Variants in GOLGA4 observed in about 807,000 individuals in gnomAD.
GOLGA4 encodes the protein golgin A4, also known as golgin subfamily A member 4.
Under a neutral mutation model 265.9 loss-of-function variants are expected in GOLGA4, and 169 were observed. That is an observed-to-expected ratio of 0.64 (90% CI 0.56 to 0.72). The LOEUF (loss-of-function observed/expected upper bound fraction) is 0.72, where lower values mean the gene tolerates loss of function less well. GOLGA4 is among the 30% of genes least tolerant of loss of function. The probability of loss-of-function intolerance (pLI) is 0.00; values close to 1 mark genes in which losing one functional copy is unlikely to be tolerated. For missense variants in GOLGA4, 2,482 were observed against 2,483.4 expected (o/e 1.00, Z 0.01); for synonymous variants, 923 against 855.8 (o/e 1.08, Z -1.37).
intron 2 of GOLGA4, among the ~76,000 whole-genome samples, chr3:37,263,557 A>G (rs1302579590): frequency 1.3e-5 from 2 of 152,164 alleles, no homozygotes; most frequent in Non-Finnish European, 2.9e-5. Flanking sequence ...TAAGCAGTGC[A>G]AGACTGTATA....
intron 22 of GOLGA4, among the ~76,000 whole-genome samples, chr3:37,356,907 A>G (rs540014159): frequency 1.3e-5 from 2 of 152,262 alleles, no homozygotes; most frequent in African/African-American, 2.4e-5. Context: ...AGGATTTGCT[A>G]TATAGTGTAG....
At chr3:37,286,576 C>A (rs192940889) in intron 4 of GOLGA4, among the ~76,000 whole-genome samples, 53 of 152,220 alleles carry the variant, frequency 3.5e-4, no homozygotes, top group Admixed American at 2.1e-3. Flanking sequence ...AGAGATTTTA[C>A]CTCTGTTAAG....
At position 37,327,585 on chromosome 3, in the gene GOLGA4, T is replaced by G; in HGVS notation, c.5699T>G (p.Leu1900Trp). Reference sequence around the variant, plus strand: ...GGAAGAAATAAACCCACAGAACTTTTGGAAGAAAACACTGAAGAAAAGTCC... The same window carrying G: ...GGAAGAAATAAACCCACAGAACTTTGGGAAGAAAACACTGAAGAAAAGTCC... ...MDGRNKPTEL[L>W]EENTEEKSKS... Residue 1900 changes from leucine (L) to tryptophan (W), a missense_variant, in exon 14 of 24, where the codon TTG becomes TGG. Around this residue, in one of 3 missense-constraint regions of GOLGA4, gnomAD observed 942 missense variants for 983.1 expected, o/e 0.96. Coordinates refer to ENST00000361924, the MANE Select transcript of GOLGA4 (RefSeq NM_002078.5). The G allele has an allele frequency of 6.2e-7, 1 of 1,613,752 alleles. No homozygotes were observed. Among genetic ancestry groups the G allele is most frequent in the Non-Finnish European group, 8.5e-7 (1 of 1,179,834 alleles).
chr3:37,326,370 T>G lies in GOLGA4; in HGVS notation c.4484T>G (p.Phe1495Cys). ...GAGCTTGATCAGCAAAATAAAAGAT[T>G]TGATTGTTTAAAGGGTGAAATGGAA... ...KEELDQQNKR[F>C]DCLKGEMEDD... The change falls in exon 14 of 24, where the codon TTT becomes TGT. Residue 1495 changes from phenylalanine to cysteine, a missense_variant. Coordinates refer to ENST00000361924, the MANE Select transcript of GOLGA4 (RefSeq NM_002078.5). The G allele has an allele frequency of 6.2e-7, 1 of 1,612,828 alleles. No homozygotes were observed. The highest frequency in any genetic ancestry group is 1.1e-5 in the South Asian group (1 of 90,786).
intron 2 of GOLGA4, chr3:37,266,830 T>A (rs774378864): frequency 1.7e-6 from 2 of 1,210,454 alleles, no homozygotes; most frequent in African/African-American, 3.1e-5. Context: ...CTTATTACAC[T>A]GAATGAGACA....
Position 37,243,477 on chromosome 3 carries a change from C to T in GOLGA4, c.-74C>T. ...CCTGGTGTAAAGAAGTCGCCGTAGC[C>T]GTCGCGGCCGGGACTCCCCGGGCTC... On this transcript the variant is annotated 5_prime_UTR_variant, in exon 1 of 24. Transcript: ENST00000361924. 3.1e-6 allele frequency: 4 copies of T among 1,298,838 alleles called. No homozygotes were observed. Among genetic ancestry groups the T allele is most frequent in the Non-Finnish European group, 4.5e-6 (4 of 893,398 alleles). The allele number at this position is 1,298,838 out of a possible 1,614,324, so 80.5% of individuals were successfully genotyped here.
chr3:37,288,784 G>GT (rs941998631), intron 4 of GOLGA4, among the ~76,000 whole-genome samples: 4 of 151,992 alleles, frequency 2.6e-5, no homozygotes, highest in Non-Finnish European at 5.9e-5. Flanking sequence ...GGCTGGTTTT[G>GT]TTTTTTTAAA....
chr3:37,315,339 TTC>T, intron 10 of GOLGA4, 79 bp from the exon 11 acceptor site: 1 of 1,190,554 alleles, frequency 8.4e-7, no homozygotes, highest in Middle Eastern at 2.6e-4. Flanking sequence ...CTGCTCTTAG[TTC>T]TCAAAAATTG....
intron 4 of GOLGA4, among the ~76,000 whole-genome samples, chr3:37,288,211 C>T (rs376420700): frequency 6.7e-6 from 1 of 149,412 alleles, no homozygotes; most frequent in Non-Finnish European, 1.5e-5. Flanking sequence ...AAGCGATTCT[C>T]CTGCCTCAGC....
chr3:37,315,341 C>A (rs2096934623), intron 10 of GOLGA4, 79 bp from the exon 11 acceptor site: 1 of 1,232,654 alleles, frequency 8.1e-7, no homozygotes, highest in Admixed American at 2.4e-5. Flanking sequence ...GCTCTTAGTT[C>A]TCAAAAATTG....
chr3:37,249,340 T>G (rs1403976759), intron 1 of GOLGA4, among the ~76,000 whole-genome samples: 1 of 152,242 alleles, frequency 6.6e-6, no homozygotes, highest in African/African-American at 2.4e-5. Context: ...ATGTTGACTT[T>G]TAGTCACATA....
chr3:37,289,308 A>T lies in GOLGA4; in HGVS notation c.582+17A>T. On this transcript the variant is annotated intron_variant, in intron 5 of 23. Coordinates refer to ENST00000361924, the MANE Select transcript of GOLGA4 (RefSeq NM_002078.5). ...TTAAGAGAGGTAAGTTTCAGTGATG[A>T]GTACTTTGAAAATAGTAATTAAATC... The T allele has an allele frequency of 6.9e-7, 1 of 1,451,230 alleles. No individual in the cohort carries two copies. Among genetic ancestry groups the T allele is most frequent in the South Asian group, 1.2e-5 (1 of 85,266 alleles). 89.9% of individuals were successfully genotyped at this position (1,451,230 alleles called of 1,614,324 possible).
At chr3:37,273,893 A>G (rs1281875683) in intron 2 of GOLGA4, among the ~76,000 whole-genome samples, 2 of 151,896 alleles carry the variant, frequency 1.3e-5, no homozygotes, top group East Asian at 1.9e-4. Flanking sequence ...CTTGAGGCCA[A>G]GAGTTCGAGA....
At chr3:37,292,921 G>T (rs890539811) in intron 5 of GOLGA4, among the ~76,000 whole-genome samples, 4 of 152,182 alleles carry the variant, frequency 2.6e-5, no homozygotes, top group Admixed American at 2.0e-4. Context: ...TAAAAAATAT[G>T]CTCAGAGATG....
intron 2 of GOLGA4, among the ~76,000 whole-genome samples, chr3:37,264,292 A>G (rs1227985539): frequency 1.3e-5 from 2 of 152,166 alleles, no homozygotes; most frequent in African/African-American, 4.8e-5. Context: ...CTTAAATTTA[A>G]CATCCATTCA....
intron 23 of GOLGA4, among the ~76,000 whole-genome samples, chr3:37,363,462 C>A (rs1340017496): frequency 6.6e-6 from 1 of 152,132 alleles, no homozygotes. Context: ...ATAAGATTTG[C>A]AAAAATAGTA....
chr3:37,281,996 C>T lies in GOLGA4; in HGVS notation c.201C>T (p.Leu67=). The change falls in exon 3 of 24, where the codon CTC becomes CTT. Residue 67 remains leucine (L), a synonymous_variant. Coordinates refer to ENST00000361924, the MANE Select transcript of GOLGA4 (RefSeq NM_002078.5). The part of the protein sequence containing the change: ...DTQSFAQKLQ[L]RVPSVESLFR... Reference sequence around the variant, plus strand: ...AGTCTTTTGCACAGAAGCTCCAGCTCCGGGTGCCCTCCGTGGAGTCTTTGT... The same window carrying T: ...AGTCTTTTGCACAGAAGCTCCAGCTTCGGGTGCCCTCCGTGGAGTCTTTGT... 1.1e-5 allele frequency: 18 copies of T among 1,614,032 alleles called. No homozygotes were observed. Among genetic ancestry groups the T allele is most frequent in the Non-Finnish European group, 1.5e-5 (18 of 1,179,938 alleles).
At chr3:37,295,792 T>A (rs945230274) in intron 6 of GOLGA4, among the ~76,000 whole-genome samples, 1 of 152,228 alleles carries the variant, frequency 6.6e-6, no homozygotes, top group African/African-American at 2.4e-5. Flanking sequence ...GTAGTGAACA[T>A]GTAGACTTTT....
chr3:37,269,034 TTA>T (rs1240035924), intron 2 of GOLGA4, among the ~76,000 whole-genome samples: 1 of 152,218 alleles, frequency 6.6e-6, no homozygotes, highest in African/African-American at 2.4e-5. Flanking sequence ...AATTCTAAAA[TTA>T]CCGTAACCTT....
Sources: gnomAD v4.1 joint callset for allele counts (sites outside exome capture counted in the v4.1 genomes callset) on GRCh38, gnomAD v4.1.1 for gene constraint, gnomAD v4.1.1 regional missense constraint, MANE v1.5 for transcripts, NCBI Gene and HGNC (gene_info 2026-07-23, HGNC 2026-07-21) for gene names.